The following ADARB2 variants were observed in gnomAD, a reference collection of about 807,000 sequenced individuals.
ADARB2 encodes the protein inactive double-stranded RNA-specific editase B2.
In ADARB2, 25 loss-of-function variants were observed where a neutral mutation model predicts 62.2. That is an observed-to-expected ratio of 0.40 (90% CI 0.29 to 0.56). ADARB2 has a LOEUF of 0.56. Among genes scored for constraint, ADARB2 ranks in the 20% least tolerant of loss-of-function variants. ADARB2 has a pLI of 0.43. For synonymous variants in ADARB2, 572 were observed against 500.8 expected, an observed-to-expected ratio of 1.14 and a Z score of -1.90; for missense variants, 1,071 against 1,077.4, an observed-to-expected ratio of 0.99 and a Z score of 0.08.
intron 3 of ADARB2, among the ~76,000 whole-genome samples, chr10:1,336,419 C>T (rs1831975257): frequency 6.6e-6 from 1 of 152,086 alleles, no homozygotes. Flanking sequence ...AGGGTATTCT[C>T]ACACATCTCT....
chr10:1,670,699 G>A (rs939842341), intron 1 of ADARB2, among the ~76,000 whole-genome samples: 1 of 152,246 alleles, frequency 6.6e-6, no homozygotes, highest in African/African-American at 2.4e-5. Context: ...TCGAGGCTCA[G>A]AAAGTGTGTG....
chr10:1,633,564 C>CTATCTATCTATCTATCTA (rs1833873895), intron 1 of ADARB2, among the ~76,000 whole-genome samples: 1 of 145,572 alleles, frequency 6.9e-6, no homozygotes, highest in Non-Finnish European at 1.5e-5. Context: ...ATCTATCTAT[C>CTATCTATCTATCTATCTA]TATCTATCTA....
intron 3 of ADARB2, among the ~76,000 whole-genome samples, chr10:1,275,115 G>T (rs1831303138): frequency 6.6e-6 from 1 of 152,234 alleles, no homozygotes; most frequent in African/African-American, 2.4e-5. Context: ...TTGAGGAACA[G>T]CTGGGGTGGA....
At chr10:1,459,004 C>G (rs1360535019) in intron 1 of ADARB2, among the ~76,000 whole-genome samples, 1 of 152,150 alleles carries the variant, frequency 6.6e-6, no homozygotes, top group Non-Finnish European at 1.5e-5. Context: ...CCATCTCACA[C>G]AAGTCAGAAT....
At chr10:1,221,294 C>G (rs1172984277) in intron 6 of ADARB2, among the ~76,000 whole-genome samples, 2 of 152,170 alleles carry the variant, frequency 1.3e-5, no homozygotes, top group Non-Finnish European at 2.9e-5. Flanking sequence ...TCCAAGTCAT[C>G]AGACTCTTCA....
At position 1,273,937 on chromosome 10, in the gene ADARB2, A is replaced by G. The variant is rs112106090; in HGVS notation, c.1078-2868T>C. Among the ~76,000 whole-genome samples the G allele has an allele frequency of 4.7e-4, 72 of 152,270 alleles. 1 individual carries two copies. The highest frequency in any genetic ancestry group is 1.7e-3 in the African/African-American group (71 of 41,544). On this transcript the variant is annotated intron_variant, in intron 3 of 9. Transcript: ENST00000381312. ...GGCCCGGGGCTCGTGGGTTGCCAGC[A>G]GGTCTGGGAGGTGGGGAGGCTTGTG... is the stretch of plus-strand genomic sequence containing the variant.
intron 1 of ADARB2, among the ~76,000 whole-genome samples, chr10:1,629,715 C>T (rs925058351): frequency 4.6e-5 from 7 of 152,054 alleles, no homozygotes; most frequent in African/African-American, 1.4e-4. Flanking sequence ...TGACAAGACA[C>T]GTTGTCTCTC....
At chr10:1,305,085 AC>A (rs1392512741) in intron 3 of ADARB2, among the ~76,000 whole-genome samples, 1 of 131,162 alleles carries the variant, frequency 7.6e-6, no homozygotes, top group Non-Finnish European at 1.7e-5. Flanking sequence ...GACACAAAAA[AC>A]CCTTCAAAAA....
chr10:1,328,207 G>A (rs894452382), intron 3 of ADARB2, among the ~76,000 whole-genome samples: 5 of 152,248 alleles, frequency 3.3e-5, no homozygotes, highest in Admixed American at 1.3e-4. Context: ...ACGTGGAGAT[G>A]AGCGATTGTG....
chr10:1,321,099 G>A (rs145593776), intron 3 of ADARB2, among the ~76,000 whole-genome samples: 8 of 152,308 alleles, frequency 5.3e-5, no homozygotes, highest in Non-Finnish European at 1.0e-4. Flanking sequence ...TGACTCTGTA[G>A]TTAAAAACCA....
Position 1,200,114 on chromosome 10 carries a change from C to A in ADARB2, c.1716G>T (p.Leu572=), listed in dbSNP as rs139854730. The A allele has an allele frequency of 6.4e-6, 10 of 1,554,174 alleles. No homozygotes were observed. The African/African-American group carries it at 1.4e-4, about 21-fold the overall frequency. Reference sequence around the variant, plus strand: ...GGTACACGGGCTCCACGAAGTGGGACAGGAGCGCGCCCTGCAGCCCCAGGA... The same window carrying A: ...GGTACACGGGCTCCACGAAGTGGGAAAGGAGCGCGCCCTGCAGCCCCAGGA... ...WNVLGLQGAL[L]SHFVEPVYLQ... is the part of the protein sequence containing the mutation. The change falls in exon 8 of 10, where the codon CTG becomes CTT. Residue 572 remains leucine (L), a synonymous_variant. Coordinates refer to ENST00000381312, the MANE Select transcript of ADARB2 (RefSeq NM_018702.4).
At chr10:1,728,297 C>G (rs1835191663) in intron 1 of ADARB2, among the ~76,000 whole-genome samples, 1 of 152,228 alleles carries the variant, frequency 6.6e-6, no homozygotes, top group Non-Finnish European at 1.5e-5. Context: ...TCTCCATACT[C>G]TAAAACACAG....
At chr10:1,355,184 CCT>C (rs1224295972) in intron 3 of ADARB2, among the ~76,000 whole-genome samples, 4 of 139,954 alleles carry the variant, frequency 2.9e-5, no homozygotes, top group Non-Finnish European at 6.2e-5. Flanking sequence ...GTGGTTTCTC[CCT>C]GTTTGGAACT....
chr10:1,414,766 C>T (rs1194273660), intron 1 of ADARB2, among the ~76,000 whole-genome samples: 3 of 152,222 alleles, frequency 2.0e-5, no homozygotes, highest in Admixed American at 6.5e-5. Context: ...CTCCACTGGA[C>T]TTTGTCACCC....
Position 1,220,143 on chromosome 10 carries a change from A to G in ADARB2, c.1514-3024T>C, listed in dbSNP as rs1414666056. On this transcript the variant is annotated intron_variant, in intron 6 of 9. Transcript: ENST00000381312. ...TGATGATGGTGAAGATAATGATGGCAATGGTGATGATGGTGATGGTAATGA... is the reference window on the plus strand; with the variant it reads ...TGATGATGGTGAAGATAATGATGGCGATGGTGATGATGGTGATGGTAATGA... Among the ~76,000 whole-genome samples the G allele has an allele frequency of 8.3e-5, 8 of 96,720 alleles. No individual in the cohort carries two copies. The Admixed American group carries it at 8.7e-4, about 11-fold the overall frequency. 63.5% of individuals were successfully genotyped at this position (96,720 alleles called of 152,430 possible). A position where few individuals can be genotyped will look rare whatever the true frequency, so the allele number is the denominator to read the frequency against.
intron 1 of ADARB2, among the ~76,000 whole-genome samples, chr10:1,510,473 T>C (rs1191562472): frequency 2.0e-5 from 3 of 152,160 alleles, no homozygotes; most frequent in African/African-American, 7.2e-5. Context: ...TGAGCCACTG[T>C]GCAGGCACCA....
intron 1 of ADARB2, among the ~76,000 whole-genome samples, chr10:1,726,269 A>G (rs925011942): frequency 2.6e-5 from 4 of 152,218 alleles, no homozygotes; most frequent in Admixed American, 2.6e-4. Context: ...CAGACGATAG[A>G]TTGTTTAGAT....
At position 1,683,357 on chromosome 10, in the gene ADARB2, C is replaced by T. The variant is rs545834695; in HGVS notation, c.100+53694G>A. ...GGAACATGACTCTAGAAGGATGAAG[C>T]GAGGTATGGAAAGAAGAAAACCAAA... On this transcript the variant is annotated intron_variant, in intron 1 of 9. Coordinates refer to ENST00000381312, the MANE Select transcript of ADARB2 (RefSeq NM_018702.4). 9.2e-5 allele frequency among the ~76,000 whole-genome samples: 14 copies of T among 152,224 alleles called. No homozygotes were observed. The East Asian group carries it at 2.3e-3, about 25-fold the overall frequency.
At chr10:1,614,783 C>A (rs944926036) in intron 1 of ADARB2, among the ~76,000 whole-genome samples, 2 of 152,042 alleles carry the variant, frequency 1.3e-5, no homozygotes, top group African/African-American at 4.8e-5. Flanking sequence ...TGGTGGCGGG[C>A]ACCTGTAGTC....
Sources: allele counts gnomAD v4.1 joint callset (sites outside exome capture counted in the v4.1 genomes callset), GRCh38; gene constraint gnomAD v4.1.1; transcripts MANE v1.5; gene names NCBI Gene and HGNC (gene_info 2026-07-23, HGNC 2026-07-21).